The following PAPSS2 variants were observed in gnomAD, a reference collection of about 807,000 sequenced individuals.
PAPSS2 encodes 3'-phosphoadenosine 5'-phosphosulfate synthase 2, also known as bifunctional 3'-phosphoadenosine 5'-phosphosulfate synthase 2.
A neutral mutation model predicts 66.5 loss-of-function variants in PAPSS2; 61 were observed. The ratio of observed to expected loss-of-function variants is 0.92; its 90% confidence interval spans 0.75 to 1.14. The LOEUF is 1.14. Among genes scored for constraint, PAPSS2 ranks in the 50% most tolerant of loss-of-function variants. The pLI, the probability that PAPSS2 is intolerant of heterozygous loss-of-function variation, is 0.00. For synonymous variants in PAPSS2, 289 were observed against 287.5 expected, an observed-to-expected ratio of 1.01 and a Z score of -0.05; for missense variants, 708 against 789.6, an observed-to-expected ratio of 0.90 and a Z score of 1.24.
chr10:87,715,674 C>T, intron 6 of PAPSS2, 58 bp from the exon 7 acceptor site: 1 of 1,071,376 alleles, frequency 9.3e-7, no homozygotes, highest in Non-Finnish European at 1.4e-6. Context: ...TTCCCTGGGG[C>T]CAGATGCCTG....
At chr10:87,696,137 T>C (rs938976174) in intron 1 of PAPSS2, among the ~76,000 whole-genome samples, 1 of 152,228 alleles carries the variant, frequency 6.6e-6, no homozygotes, top group Non-Finnish European at 1.5e-5. Flanking sequence ...TGAAATTCTC[T>C]ATCTTGGGTC....
rs1425163292 is a variant in PAPSS2, at chr10:87,747,476, T to C, written c.*1506T>C. ...GGCCACAGCAGTTTGTCTTTAATAG[T>C]ATAGTGCCTATACTCATGTAATCGG... On this transcript the variant is annotated 3_prime_UTR_variant, in exon 13 of 13. Coordinates refer to ENST00000456849, the MANE Select transcript of PAPSS2 (RefSeq NM_001015880.2). 6.6e-6 allele frequency: 1 copy of C among 152,470 alleles called. No individual in the cohort carries two copies. The highest frequency in any genetic ancestry group is 1.9e-4 in the East Asian group (1 of 5,188). 9.4% of individuals were successfully genotyped at this position (152,470 alleles called of 1,614,324 possible).
Position 87,660,213 on chromosome 10 carries a change from C to G in PAPSS2, c.27+205C>G, listed in dbSNP as rs947642345. The G allele has an allele frequency of 2.1e-5, 13 of 627,272 alleles. No homozygotes were observed. In the Admixed American group the frequency reaches 2.2e-4, roughly 11 times the overall value. The allele number at this position is 627,272 out of a possible 1,614,324, so 38.9% of individuals were successfully genotyped here. ...TCCTCGCCCCGCAGCCCCTCTCCAC[C>G]CCGCGACTCTGGGAATCTGCGCTCC... On this transcript the variant is annotated intron_variant, in intron 1 of 12. Transcript: ENST00000456849.
intron 9 of PAPSS2, among the ~76,000 whole-genome samples, chr10:87,731,462 TA>T (rs1428396090): frequency 7.9e-5 from 12 of 152,194 alleles, no homozygotes; most frequent in Non-Finnish European, 1.3e-4. Flanking sequence ...GATCAAAGAG[TA>T]ATTTCAACTT....
At chr10:87,666,660 T>C (rs1852819420) in intron 1 of PAPSS2, among the ~76,000 whole-genome samples, 1 of 152,094 alleles carries the variant, frequency 6.6e-6, no homozygotes, top group Non-Finnish European at 1.5e-5. Context: ...AAAGGCCCCT[T>C]CAATTTAAAC....
chr10:87,705,773 G>A (rs983218243), intron 1 of PAPSS2, among the ~76,000 whole-genome samples: 4 of 149,008 alleles, frequency 2.7e-5, no homozygotes, highest in South Asian at 2.1e-4. Flanking sequence ...TCGCTCTGTC[G>A]CCCAGGCTGG....
chr10:87,662,237 A>T (rs1286368388), intron 1 of PAPSS2, among the ~76,000 whole-genome samples: 1 of 152,156 alleles, frequency 6.6e-6, no homozygotes, highest in Non-Finnish European at 1.5e-5. Context: ...ACTGTATGCC[A>T]GGTGGTATAC....
chr10:87,681,753 A>G (rs1299228795), intron 1 of PAPSS2, among the ~76,000 whole-genome samples: 1 of 152,092 alleles, frequency 6.6e-6, no homozygotes, highest in Non-Finnish European at 1.5e-5. Context: ...CTGTCTCCTG[A>G]TAGTTTCCTT....
At chr10:87,695,095 T>A (rs1358019644) in intron 1 of PAPSS2, among the ~76,000 whole-genome samples, 1 of 152,128 alleles carries the variant, frequency 6.6e-6, no homozygotes, top group Non-Finnish European at 1.5e-5. Flanking sequence ...GATGTCTTAG[T>A]CCATGCAGGC....
At chr10:87,660,035 C>A in intron 1 of PAPSS2, 27 bp downstream of exon 1, 2 of 1,606,578 alleles carry the variant, frequency 1.2e-6, no homozygotes, top group Admixed American at 1.7e-5. Flanking sequence ...CGGCTTCCCT[C>A]CCCGCCACCG....
intron 2 of PAPSS2, among the ~76,000 whole-genome samples, chr10:87,710,840 T>C (rs1853454676): frequency 6.6e-6 from 1 of 151,930 alleles, no homozygotes; most frequent in Admixed American, 6.6e-5. Context: ...GTCTCTCTAC[T>C]AAGAAGACAA....
At chr10:87,735,176 T>G (rs1235598792) in intron 9 of PAPSS2, among the ~76,000 whole-genome samples, 1 of 152,124 alleles carries the variant, frequency 6.6e-6, no homozygotes, top group Non-Finnish European at 1.5e-5. Flanking sequence ...GGGTGGGGAC[T>G]TCTAGGCCAC....
At chr10:87,673,689 C>CATTT (rs749811014) in intron 1 of PAPSS2, among the ~76,000 whole-genome samples, 2 of 67,424 alleles carry the variant, frequency 3.0e-5, no homozygotes, top group Non-Finnish European at 5.7e-5. Flanking sequence ...TTTTGGCTTA[C>CATTT]TTTTTTTTTT....
intron 1 of PAPSS2, among the ~76,000 whole-genome samples, chr10:87,700,922 A>G (rs1042524799): frequency 1.3e-5 from 2 of 152,018 alleles, no homozygotes; most frequent in East Asian, 1.9e-4. Context: ...AAATTATAAT[A>G]ATTTCATATT....
intron 1 of PAPSS2, among the ~76,000 whole-genome samples, chr10:87,707,138 C>T (rs995075633): frequency 3.9e-5 from 6 of 152,228 alleles, no homozygotes; most frequent in Non-Finnish European, 7.3e-5. Flanking sequence ...CCCATCCCCA[C>T]TCTGTGCTCT....
At chr10:87,701,343 T>C (rs1323036454) in intron 1 of PAPSS2, among the ~76,000 whole-genome samples, 160 of 89,846 alleles carry the variant, frequency 1.8e-3, no homozygotes, top group South Asian at 5.5e-3. Context: ...TTTCTTTCTT[T>C]CTTTCTTTCT....
At chr10:87,714,670 T>C (rs1318544451) in intron 4 of PAPSS2, 75 bp from the exon 5 acceptor site, 4 of 895,890 alleles carry the variant, frequency 4.5e-6, no homozygotes, top group African/African-American at 1.6e-5. Context: ...TATTCCAACA[T>C]GTGTTTTGCC....
At position 87,659,891 on chromosome 10, in the gene PAPSS2, G is replaced by C; in HGVS notation, c.-91G>C. The C allele has an allele frequency of 7.6e-7, 1 of 1,310,214 alleles. No homozygotes were observed. Among genetic ancestry groups the C allele is most frequent in the South Asian group, 1.2e-5 (1 of 83,350 alleles). 81.2% of individuals were successfully genotyped at this position (1,310,214 alleles called of 1,614,324 possible). ...CGGGAGTCCGGCAGCCGCTGCTGCT[G>C]CTGCTGCTGCTGCTGCCGCCGCCGC... is the stretch of plus-strand genomic sequence containing the variant. On this transcript the variant is annotated 5_prime_UTR_variant, in exon 1 of 13. Transcript: ENST00000456849.
chr10:87,673,313 T>A (rs1852902727), intron 1 of PAPSS2, among the ~76,000 whole-genome samples: 1 of 152,182 alleles, frequency 6.6e-6, no homozygotes, highest in African/African-American at 2.4e-5. Context: ...TTTATAAATA[T>A]CTCTGGAATT....
Sources: allele counts gnomAD v4.1 joint callset (sites outside exome capture counted in the v4.1 genomes callset), GRCh38; gene constraint gnomAD v4.1.1; transcripts MANE v1.5; gene names NCBI Gene and HGNC (gene_info 2026-07-23, HGNC 2026-07-21).